The following ANKRD17 variants were observed in gnomAD, a reference collection of about 807,000 sequenced individuals.
The protein encoded by ANKRD17 is ankyrin repeat domain 17.
Under a neutral mutation model 229.7 loss-of-function variants are expected in ANKRD17, and 19 were observed. The ratio of observed to expected loss-of-function variants is 0.08; its 90% CI spans 0.06 to 0.12. The LOEUF (loss-of-function observed/expected upper bound fraction) is 0.12, where lower values mean the gene tolerates loss of function less well. Ranked by LOEUF, ANKRD17 falls within the 10% of genes least tolerant of loss-of-function variation. The pLI is 1.00. For missense variants in ANKRD17, 2,176 were observed against 3,176.8 expected (o/e 0.68, Z 7.57); for synonymous variants, 1,112 against 1,146.1 (o/e 0.97, Z 0.60).
chr4:73,150,543 T>TA (rs914219026), intron 7 of ANKRD17, among the ~76,000 whole-genome samples: 199 of 151,412 alleles, frequency 1.3e-3, no homozygotes, highest in African/African-American at 4.5e-3. Context: ...TTTTATTTGT[T>TA]AAAAAAAAAT....
At chr4:73,257,264 T>C (rs555076736) in intron 1 of ANKRD17, among the ~76,000 whole-genome samples, 1 of 152,330 alleles carries the variant, frequency 6.6e-6, no homozygotes, top group South Asian at 2.1e-4. Context: ...TAAAGCTAAC[T>C]CTCAGTTGGT....
chr4:73,258,179 C>A, intron 1 of ANKRD17, 97 bp downstream of exon 1: 2 of 1,574,862 alleles, frequency 1.3e-6, no homozygotes, highest in Non-Finnish European at 1.7e-6. Context: ...AAGAGATCAA[C>A]CCACTGGAAT....
chr4:73,086,800 T>G (rs1481764240), intron 29 of ANKRD17, among the ~76,000 whole-genome samples: 1 of 145,954 alleles, frequency 6.9e-6, no homozygotes, highest in African/African-American at 2.6e-5. Context: ...CACATGTCAA[T>G]ATTGGATTTT....
intron 1 of ANKRD17, 142 bp from the exon 2 acceptor site, chr4:73,177,675 A>C: frequency 1.7e-6 from 1 of 601,636 alleles, no homozygotes; most frequent in Non-Finnish European, 2.8e-6. Flanking sequence ...AACCCTAAAA[A>C]GTTCAACATG....
intron 1 of ANKRD17, among the ~76,000 whole-genome samples, chr4:73,187,595 T>C (rs1736470580): frequency 6.6e-6 from 1 of 152,194 alleles, no homozygotes; most frequent in Non-Finnish European, 1.5e-5. Flanking sequence ...AGAGGGGACT[T>C]AAACTCTCAA....
At position 73,161,262 on chromosome 4, in the gene ANKRD17, A is replaced by C; in HGVS notation, c.634T>G (p.Leu212Val). The change falls in exon 3 of 34, where the codon TTG becomes GTG. Residue 212 changes from leucine to valine, a missense_variant. By Grantham distance (32) the Leu-to-Val change is conservative (BLOSUM62 1). Coordinates refer to ENST00000358602, the MANE Select transcript of ANKRD17 (RefSeq NM_032217.5). ...GTAAGTGCAGCAGCAGCTTCATCCA[A>C]CGCACAACTAACAGACGATGTCAAC... ...RRLTSSVSCALDEAAAALTRM... is the reference protein window; with the variant it reads ...RRLTSSVSCAVDEAAAALTRM... 1 of 1,614,228 alleles carries C rather than the reference A, an allele frequency of 6.2e-7. No homozygotes were observed. Among genetic ancestry groups the C allele is most frequent in the Non-Finnish European group, 8.5e-7 (1 of 1,180,040 alleles).
intron 28 of ANKRD17, among the ~76,000 whole-genome samples, chr4:73,093,817 G>A (rs1486450709): frequency 1.3e-5 from 2 of 152,170 alleles, no homozygotes; most frequent in Non-Finnish European, 2.9e-5. Context: ...CATATAAACA[G>A]TTTATGTACA....
At chr4:73,162,451 T>TC (rs1384596552) in intron 2 of ANKRD17, among the ~76,000 whole-genome samples, 2 of 152,000 alleles carry the variant, frequency 1.3e-5, no homozygotes, top group African/African-American at 4.8e-5. Flanking sequence ...CACTTCAGCC[T>TC]CCCAAAGTGC....
chr4:73,168,388 A>G (rs929894594), intron 2 of ANKRD17, among the ~76,000 whole-genome samples: 1 of 152,164 alleles, frequency 6.6e-6, no homozygotes, highest in Non-Finnish European at 1.5e-5. Flanking sequence ...TAGAGATTTC[A>G]TTATCACTGC....
At chr4:73,140,474 T>G (rs543461230) in intron 14 of ANKRD17, among the ~76,000 whole-genome samples, 191 bp from the exon 15 acceptor site, 1 of 152,348 alleles carries the variant, frequency 6.6e-6, no homozygotes, top group South Asian at 2.1e-4. Flanking sequence ...GTATTTTATG[T>G]GCAAAATCTT....
chr4:73,144,807 G>C lies in ANKRD17; in HGVS notation c.1895C>G (p.Thr632Ser). 6.3e-7 allele frequency: 1 copy of C among 1,594,840 alleles called. No homozygotes were observed. The highest frequency in any genetic ancestry group is 1.7e-4 in the Middle Eastern group (1 of 5,976). ...DLEHESEGGR[T>S]PLMKAARAGH... is the part of the protein sequence containing the mutation. ...AGCTCTTGCAGCTTTCATTAAAGGAGTTCTTCCACCTTCAGATTCATGTTC... is the reference window on the plus strand; with the variant it reads ...AGCTCTTGCAGCTTTCATTAAAGGACTTCTTCCACCTTCAGATTCATGTTC... Residue 632 changes from threonine (T) to serine (S), a missense_variant, in exon 11 of 34, where the codon ACT becomes AGT. Thr to Ser is a moderately conservative substitution (Grantham distance 58). This residue lies in a region of ANKRD17 where 275 missense variants were observed against 386.9 expected (regional missense o/e 0.71). Coordinates refer to ENST00000358602, the MANE Select transcript of ANKRD17 (RefSeq NM_032217.5).
chr4:73,147,666 A>G (rs1730462721), intron 8 of ANKRD17, among the ~76,000 whole-genome samples: 1 of 152,162 alleles, frequency 6.6e-6, no homozygotes, highest in South Asian at 2.1e-4. Context: ...TTACTCAGCC[A>G]GAAGGTACAA....
At chr4:73,232,704 C>G (rs554937883) in intron 1 of ANKRD17, among the ~76,000 whole-genome samples, 1 of 152,128 alleles carries the variant, frequency 6.6e-6, no homozygotes, top group Non-Finnish European at 1.5e-5. Flanking sequence ...TAGGTAGAGG[C>G]CACCACATGT....
At chr4:73,218,135 T>C (rs1176495824) in intron 1 of ANKRD17, among the ~76,000 whole-genome samples, 3 of 152,090 alleles carry the variant, frequency 2.0e-5, no homozygotes, top group Non-Finnish European at 2.9e-5. Context: ...CATAAATACA[T>C]ATAACAAAAA....
intron 24 of ANKRD17, chr4:73,102,823 C>A (rs555692785): frequency 4.3e-5 from 13 of 300,734 alleles, no homozygotes; most frequent in African/African-American, 2.2e-4. Flanking sequence ...TAAGTTGAAC[C>A]GACAAAATAC....
Position 73,141,873 on chromosome 4 carries a change from G to C in ANKRD17, c.2230-30C>G, listed in dbSNP as rs762856571. Reference sequence around the variant, plus strand: ...GACAAAGGACACTAAGTGACTATTAGTGTCCTACACAATCCATTAAGTAAT... The same window carrying C: ...GACAAAGGACACTAAGTGACTATTACTGTCCTACACAATCCATTAAGTAAT... On this transcript the variant is annotated intron_variant, in intron 13 of 33. Coordinates refer to ENST00000358602, the MANE Select transcript of ANKRD17 (RefSeq NM_032217.5). The C allele has an allele frequency of 5.8e-6, 9 of 1,549,374 alleles. No individual in the cohort carries two copies. The East Asian group carries it at 2.0e-4, about 35-fold the overall frequency.
chr4:73,151,014 C>CT (rs1448261603), intron 7 of ANKRD17, among the ~76,000 whole-genome samples: 1 of 151,924 alleles, frequency 6.6e-6, no homozygotes, highest in East Asian at 1.9e-4. Context: ...ATTATATTTC[C>CT]TTTTTTCTTT....
intron 16 of ANKRD17, among the ~76,000 whole-genome samples, chr4:73,126,446 C>CT (rs1296308443): frequency 6.6e-6 from 1 of 151,906 alleles, no homozygotes; most frequent in Non-Finnish European, 1.5e-5. Context: ...ACCTAACAAA[C>CT]TGAGAAGTAG....
chr4:73,212,485 G>T (rs1167452153), intron 1 of ANKRD17, among the ~76,000 whole-genome samples: 2 of 151,960 alleles, frequency 1.3e-5, no homozygotes, highest in African/African-American at 4.8e-5. Context: ...CATTCTGGTT[G>T]TCTAATGAAA....
Sources: allele counts gnomAD v4.1 joint callset (sites outside exome capture counted in the v4.1 genomes callset), GRCh38; gene constraint gnomAD v4.1.1; regional missense constraint gnomAD v4.1.1; transcripts MANE v1.5; gene names NCBI Gene and HGNC (gene_info 2026-07-23, HGNC 2026-07-21).